The following SEC24B variants were observed in gnomAD, a reference collection of about 807,000 sequenced individuals.
The protein encoded by SEC24B is SEC24 homolog B, COPII component.
Under a neutral mutation model 142.8 loss-of-function variants are expected in SEC24B, and 45 were observed. That is an observed-to-expected ratio of 0.32 (90% CI 0.25 to 0.40). The LOEUF (loss-of-function observed/expected upper bound fraction) is 0.40, where lower values mean the gene tolerates loss of function less well. Ranked by LOEUF, SEC24B falls within the 10% of genes least tolerant of loss-of-function variation. The pLI is 1.00. For synonymous variants in SEC24B, 574 were observed against 568.2 expected, an observed-to-expected ratio of 1.01 and a Z score of -0.15; for missense variants, 1,409 against 1,526.8, an observed-to-expected ratio of 0.92 and a Z score of 1.29.
intron 3 of SEC24B, among the ~76,000 whole-genome samples, chr4:109,479,939 A>G (rs183281361): frequency 6.6e-6 from 1 of 152,268 alleles, no homozygotes; most frequent in East Asian, 1.9e-4. Context: ...TGCCACTCTG[A>G]ATTTGTTTTT....
intron 2 of SEC24B, among the ~76,000 whole-genome samples, chr4:109,466,698 CTG>C (rs1317444716): frequency 6.6e-6 from 1 of 152,202 alleles, no homozygotes; most frequent in East Asian, 1.9e-4. Context: ...GCGTGAGCCA[CTG>C]CACCCGGCCA....
intron 1 of SEC24B, among the ~76,000 whole-genome samples, chr4:109,458,031 A>G (rs917933457): frequency 1.3e-5 from 2 of 152,114 alleles, no homozygotes; most frequent in African/African-American, 2.4e-5. Context: ...ACTGATTATT[A>G]CAAGTGTTAG....
chr4:109,474,414 T>C (rs1732869971), intron 3 of SEC24B, among the ~76,000 whole-genome samples: 1 of 151,642 alleles, frequency 6.6e-6, no homozygotes, highest in Non-Finnish European at 1.5e-5. Context: ...GCTGCTTATT[T>C]CTTCCTATTG....
chr4:109,535,953 T>A (rs1019034948), intron 22 of SEC24B, among the ~76,000 whole-genome samples: 6 of 152,166 alleles, frequency 3.9e-5, no homozygotes, highest in Non-Finnish European at 7.4e-5. Flanking sequence ...TGAAAACAGA[T>A]TTGTATAATT....
chr4:109,465,138 G>A (rs1731723127), intron 2 of SEC24B, among the ~76,000 whole-genome samples: 1 of 152,198 alleles, frequency 6.6e-6, no homozygotes, highest in African/African-American at 2.4e-5. Flanking sequence ...CTTCAGGGAA[G>A]GCTGGAAAAT....
chr4:109,528,065 C>T (rs950403420), intron 18 of SEC24B, among the ~76,000 whole-genome samples: 1 of 152,094 alleles, frequency 6.6e-6, no homozygotes, highest in Non-Finnish European at 1.5e-5. Flanking sequence ...ATGGATGCCT[C>T]TCAAAGACAT....
At chr4:109,448,682 C>T (rs1244483726) in intron 1 of SEC24B, among the ~76,000 whole-genome samples, 1 of 152,148 alleles carries the variant, frequency 6.6e-6, no homozygotes, top group African/African-American at 2.4e-5. Flanking sequence ...ACCTGCCCAC[C>T]TCAGCCTCCC....
At position 109,539,694 on chromosome 4, in the gene SEC24B, A is replaced by G. The variant is rs765789172; in HGVS notation, c.*19A>G. 1 of 1,490,624 alleles carries G rather than the reference A, an allele frequency of 6.7e-7. No homozygotes were observed. The highest frequency in any genetic ancestry group is 9.3e-7 in the Non-Finnish European group (1 of 1,071,312). 92.3% of individuals were successfully genotyped at this position (1,490,624 alleles called of 1,614,324 possible). On this transcript the variant is annotated 3_prime_UTR_variant, in exon 24 of 24. Transcript: ENST00000265175. ...TAAGTGAAGTAGAATAAAATTGAAT[A>G]AGAAAAAGATCTATAACCTAGGTAA...
Position 109,513,266 on chromosome 4 carries a change from G to A in SEC24B, c.1904-481G>A, listed in dbSNP as rs1307906477. Among the ~76,000 whole-genome samples the A allele has an allele frequency of 3.5e-5, 5 of 142,222 alleles. No individual in the cohort carries two copies. The East Asian group carries it at 8.4e-4, about 24-fold the overall frequency. The allele number at this position is 142,222 out of a possible 152,430, so 93.3% of individuals were successfully genotyped here. A position where few individuals can be genotyped will look rare whatever the true frequency, so the allele number is the denominator to read the frequency against. On this transcript the variant is annotated intron_variant, in intron 9 of 23. Coordinates refer to ENST00000265175, the MANE Select transcript of SEC24B (RefSeq NM_006323.5). ...TGGGATTATAGGTGTGAGCCACTGCGCCTGGCCCCCTGATTATTATTTTTT... is the reference window on the plus strand; with the variant it reads ...TGGGATTATAGGTGTGAGCCACTGCACCTGGCCCCCTGATTATTATTTTTT...
chr4:109,458,268 CTGTT>C (rs1348815505), intron 1 of SEC24B, among the ~76,000 whole-genome samples: 3 of 152,096 alleles, frequency 2.0e-5, no homozygotes, highest in African/African-American at 7.2e-5. Context: ...TATCCCTTGT[CTGTT>C]CATTTACTGG....
Position 109,433,925 on chromosome 4 carries a change from A to G in SEC24B, c.56A>G (p.Lys19Arg). 1 of 1,302,806 alleles carries G rather than the reference A, an allele frequency of 7.7e-7. No individual in the cohort carries two copies. The highest frequency in any genetic ancestry group is 9.8e-7 in the Non-Finnish European group (1 of 1,025,298). 80.7% of individuals were successfully genotyped at this position (1,302,806 alleles called of 1,614,324 possible). Residue 19 changes from lysine (K) to arginine (R), a missense_variant, in exon 1 of 24, where the codon AAG becomes AGG. This residue lies in a region of SEC24B where 709 missense variants were observed against 673.5 expected (regional missense o/e 1.05). Coordinates refer to ENST00000265175, the MANE Select transcript of SEC24B (RefSeq NM_006323.5). Reference sequence around the variant, plus strand: ...GCCGCCAGCGCCCGGATCCCGCCCAAGTTCGGCGGAGCGGCCGTCTCAGGA... The same window carrying G: ...GCCGCCAGCGCCCGGATCCCGCCCAGGTTCGGCGGAGCGGCCGTCTCAGGA... ...HPAASARIPP[K>R]FGGAAVSGAA...
Position 109,520,351 on chromosome 4 carries a change from C to A in SEC24B, c.2127-15C>A. The A allele has an allele frequency of 1.4e-6, 2 of 1,481,094 alleles. No homozygotes were observed. The highest frequency in any genetic ancestry group is 2.3e-5 in the South Asian group (2 of 86,238). 91.7% of individuals were successfully genotyped at this position (1,481,094 alleles called of 1,614,324 possible). On this transcript the variant is annotated splice_polypyrimidine_tract_variant and intron_variant, in intron 11 of 23. Transcript: ENST00000265175. ...CTGAGCACTCTGAATTTAAAATTGT[C>A]ATTTTTATCTTTAGGCTTCCTGGAG... is the stretch of plus-strand genomic sequence containing the variant.
intron 10 of SEC24B, among the ~76,000 whole-genome samples, chr4:109,514,543 A>G (rs1284721401): frequency 6.6e-6 from 1 of 152,194 alleles, no homozygotes; most frequent in Non-Finnish European, 1.5e-5. Flanking sequence ...TACTTAAAAT[A>G]CAAAAATTAG....
At chr4:109,525,269 G>C (rs1724090271) in intron 15 of SEC24B, 77 bp from the exon 16 acceptor site, 1 of 1,217,250 alleles carries the variant, frequency 8.2e-7, no homozygotes, top group South Asian at 2.0e-5. Context: ...TCTTCATAAT[G>C]TAGAATCTGT....
intron 1 of SEC24B, among the ~76,000 whole-genome samples, chr4:109,441,208 T>C (rs1286112138): frequency 1.3e-5 from 2 of 152,174 alleles, no homozygotes; most frequent in Middle Eastern, 3.2e-3. Context: ...ATGGATATTG[T>C]GAAATGAGGT....
In SEC24B at chr4:109,524,808, G is replaced by T. The variant is rs927028324; in HGVS notation, c.2509-10G>T. ...ATTGCTAGCTCTTACTATATGATCTGTTGACTTAGGTGGTACAACATCTTG... is the reference window on the plus strand; with the variant it reads ...ATTGCTAGCTCTTACTATATGATCTTTTGACTTAGGTGGTACAACATCTTG... On this transcript the variant is annotated splice_polypyrimidine_tract_variant and intron_variant, in intron 14 of 23. Coordinates refer to ENST00000265175, the MANE Select transcript of SEC24B (RefSeq NM_006323.5). 8 of 1,604,872 alleles carry T rather than the reference G, an allele frequency of 5.0e-6. No homozygotes were observed. Among genetic ancestry groups the T allele is most frequent in the Non-Finnish European group, 6.8e-6 (8 of 1,176,156 alleles).
At chr4:109,512,863 T>C (rs1340940428) in intron 9 of SEC24B, among the ~76,000 whole-genome samples, 1 of 151,896 alleles carries the variant, frequency 6.6e-6, no homozygotes, top group Non-Finnish European at 1.5e-5. Context: ...GGTCTCGCTA[T>C]GTTGGCCAGG....
chr4:109,505,098 A>C (rs1736544875), intron 6 of SEC24B, among the ~76,000 whole-genome samples: 1 of 152,086 alleles, frequency 6.6e-6, no homozygotes. Flanking sequence ...GTGAAATAAG[A>C]TATCTCTGAA....
Position 109,506,429 on chromosome 4 carries a change from G to C in SEC24B, c.1590G>C (p.Glu530Asp). The change falls in exon 7 of 24, where the codon GAG becomes GAC. Residue 530 changes from glutamate to aspartate, a missense_variant. By Grantham distance (45) the Glu-to-Asp change is conservative. Coordinates refer to ENST00000265175, the MANE Select transcript of SEC24B (RefSeq NM_006323.5). The stretch of plus-strand genomic sequence containing the variant: ...TGAGACCTGTAAACCTTACTCAGGA[G>C]AGGAATATTTTACCTATGACTCCTG... ...ESLRPVNLTQ[E>D]RNILPMTPVW... The C allele has an allele frequency of 2.5e-6, 4 of 1,610,226 alleles. No individual in the cohort carries two copies. Among genetic ancestry groups the C allele is most frequent in the Non-Finnish European group, 3.4e-6 (4 of 1,177,912 alleles).
Sources: gnomAD v4.1 joint callset for allele counts (sites outside exome capture counted in the v4.1 genomes callset) on GRCh38, gnomAD v4.1.1 for gene constraint, gnomAD v4.1.1 regional missense constraint, MANE v1.5 for transcripts, NCBI Gene and HGNC (gene_info 2026-07-23, HGNC 2026-07-21) for gene names.